The following CACNG2 variants were observed in gnomAD, a reference collection of about 807,000 sequenced individuals.
CACNG2 encodes voltage-dependent calcium channel gamma-2 subunit.
Under a neutral mutation model 25.9 loss-of-function variants are expected in CACNG2, and 3 were observed. The observed-to-expected ratio is 0.12, with a 90% CI of 0.05 to 0.30. The LOEUF is 0.30. Ranked by LOEUF, CACNG2 falls within the 10% of genes least tolerant of loss-of-function variation. CACNG2 has a pLI of 1.00. For synonymous variants in CACNG2, 167 were observed against 173.3 expected (o/e 0.96, Z 0.29); for missense variants, 341 against 432.5 (o/e 0.79, Z 1.88).
At chr22:36,569,771 C>T (rs949241791) in intron 2 of CACNG2, among the ~76,000 whole-genome samples, 3 of 152,166 alleles carry the variant, frequency 2.0e-5, no homozygotes, top group East Asian at 3.9e-4. Context: ...AACTCATGAC[C>T]TCAGGTGATC....
rs1288188854 is a variant in CACNG2, at chr22:36,623,021, T to A, written c.212-35473A>T. On this transcript the variant is annotated intron_variant, in intron 1 of 3. Transcript: ENST00000300105. ...AGTCTTCAAAACATGGGTTTTTTTT[T>A]TTTTTTTTTTTTTTTGAGACAGGAT... Among the ~76,000 whole-genome samples the A allele has an allele frequency of 7.9e-5, 11 of 138,914 alleles. 2 individuals are homozygous for A. Among genetic ancestry groups the A allele is most frequent in the Admixed American group, 2.8e-4 (4 of 14,266 alleles). The allele number at this position is 138,914 out of a possible 152,430, so 91.1% of individuals were successfully genotyped here.
intron 1 of CACNG2, among the ~76,000 whole-genome samples, chr22:36,655,766 C>CTT (rs1251353515): frequency 0.025 from 3,284 of 129,470 alleles, 146 homozygotes; most frequent in African/African-American, 0.096. Context: ...TTCTTTCTTT[C>CTT]TCTTTCTTTC....
chr22:36,630,447 G>C (rs76764226), intron 1 of CACNG2, among the ~76,000 whole-genome samples: 3,781 of 152,220 alleles, frequency 0.025, 152 homozygotes, highest in African/African-American at 0.085. Context: ...ATTTATCTAG[G>C]AGGGGAAGAG....
chr22:36,611,115 G>A (rs779542718), intron 1 of CACNG2, among the ~76,000 whole-genome samples: 1 of 152,198 alleles, frequency 6.6e-6, no homozygotes, highest in Non-Finnish European at 1.5e-5. Flanking sequence ...GGCTTGGCAA[G>A]CCCTTCAATT....
chr22:36,647,221 A>C (rs1288928525), intron 1 of CACNG2, among the ~76,000 whole-genome samples: 1 of 152,102 alleles, frequency 6.6e-6, no homozygotes, highest in Admixed American at 6.5e-5. Flanking sequence ...GGACACCTGC[A>C]GTGACCTCCT....
chr22:36,695,151 G>T (rs2284014), intron 1 of CACNG2, among the ~76,000 whole-genome samples: 41 of 151,948 alleles, frequency 2.7e-4, no homozygotes, highest in African/African-American at 9.4e-4. Context: ...TCGAGTTCAA[G>T]GCTGCAGTGA....
intron 2 of CACNG2, among the ~76,000 whole-genome samples, chr22:36,572,219 C>T (rs1045587986): frequency 6.6e-6 from 1 of 152,176 alleles, no homozygotes; most frequent in Non-Finnish European, 1.5e-5. Flanking sequence ...CGGTGTAAAC[C>T]TCATACCAGC....
In CACNG2 at chr22:36,617,705, A is replaced by G. The variant is rs1936044098; in HGVS notation, c.212-30157T>C. Among the ~76,000 whole-genome samples, 3 of 150,062 alleles carry G rather than the reference A, an allele frequency of 2.0e-5. No individual in the cohort carries two copies. In the South Asian group the frequency reaches 6.5e-4, roughly 32 times the overall value. On this transcript the variant is annotated intron_variant, in intron 1 of 3. Coordinates refer to ENST00000300105, the MANE Select transcript of CACNG2 (RefSeq NM_006078.5). ...AAGGCAATGTGGTGTGATGGGATGG[A>G]TATGGGCTTTAGAATCAGACAGCCC...
At chr22:36,577,651 A>G (rs1010076914) in intron 2 of CACNG2, among the ~76,000 whole-genome samples, 200 of 59,646 alleles carry the variant, frequency 3.4e-3, no homozygotes, top group African/African-American at 0.012. Context: ...TCCGTCTTGG[A>G]AAAAAAAAAA....
intron 1 of CACNG2, among the ~76,000 whole-genome samples, chr22:36,699,160 T>A (rs1937377918): frequency 6.6e-6 from 1 of 151,764 alleles, no homozygotes; most frequent in Admixed American, 6.6e-5. Context: ...CCTACCTGTA[T>A]CCACATACAC....
At chr22:36,636,277 T>C (rs1311949982) in intron 1 of CACNG2, among the ~76,000 whole-genome samples, 4 of 152,166 alleles carry the variant, frequency 2.6e-5, no homozygotes. Flanking sequence ...CTGCTCAGAA[T>C]GCACTTTACA....
chr22:36,638,765 G>A (rs2145964603), intron 1 of CACNG2, among the ~76,000 whole-genome samples: 1 of 152,218 alleles, frequency 6.6e-6, no homozygotes, highest in East Asian at 1.9e-4. Context: ...GGACAGTTCT[G>A]CTTCCCACGA....
chr22:36,617,229 A>T (rs1443494359), intron 1 of CACNG2, among the ~76,000 whole-genome samples: 4 of 152,138 alleles, frequency 2.6e-5, no homozygotes, highest in African/African-American at 9.7e-5. Flanking sequence ...TTTATGTTTC[A>T]TGTTGATCTA....
chr22:36,581,138 C>G (rs1027270578), intron 2 of CACNG2, among the ~76,000 whole-genome samples: 1 of 152,170 alleles, frequency 6.6e-6, no homozygotes, highest in African/African-American at 2.4e-5. Flanking sequence ...CAGACACATT[C>G]GATGGGCCCA....
intron 1 of CACNG2, among the ~76,000 whole-genome samples, chr22:36,680,173 A>G (rs974178301): frequency 4.0e-5 from 6 of 151,622 alleles, no homozygotes; most frequent in Non-Finnish European, 7.4e-5. Flanking sequence ...CACCGTCACC[A>G]CCATTACCAC....
At chr22:36,672,062 G>A (rs1323162796) in intron 1 of CACNG2, among the ~76,000 whole-genome samples, 45 of 152,296 alleles carry the variant, frequency 3.0e-4, no homozygotes, top group Admixed American at 2.6e-3. Context: ...TCAGACCCAC[G>A]GCAAGAGGTG....
At chr22:36,578,068 G>A (rs1440682237) in intron 2 of CACNG2, among the ~76,000 whole-genome samples, 2 of 151,950 alleles carry the variant, frequency 1.3e-5, no homozygotes, top group Non-Finnish European at 2.9e-5. Context: ...GTGATCCTAA[G>A]CTAGGATGAT....
At chr22:36,641,484 C>T (rs1936441846) in intron 1 of CACNG2, among the ~76,000 whole-genome samples, 1 of 152,150 alleles carries the variant, frequency 6.6e-6, no homozygotes, top group Non-Finnish European at 1.5e-5. Context: ...TCATTTAAAA[C>T]ACAAATACCC....
rs536303914 is a variant in CACNG2, at chr22:36,562,639, C to G, written c.*1712G>C. 1 of 152,100 alleles carries G rather than the reference C, an allele frequency of 6.6e-6. No individual in the cohort carries two copies. Among genetic ancestry groups the G allele is most frequent in the Non-Finnish European group, 1.5e-5 (1 of 68,082 alleles). 9.4% of individuals were successfully genotyped at this position (152,100 alleles called of 1,614,324 possible). On this transcript the variant is annotated 3_prime_UTR_variant, in exon 4 of 4. Coordinates refer to ENST00000300105, the MANE Select transcript of CACNG2 (RefSeq NM_006078.5). Reference sequence around the variant, plus strand: ...ATTTCCTTTGAGCCACGCCCCTGGCCGTGTATGGGATGGAAGGGTTGAGAC... The same window carrying G: ...ATTTCCTTTGAGCCACGCCCCTGGCGGTGTATGGGATGGAAGGGTTGAGAC...
Sources: gnomAD v4.1 joint callset for allele counts (sites outside exome capture counted in the v4.1 genomes callset) on GRCh38, gnomAD v4.1.1 for gene constraint, MANE v1.5 for transcripts, NCBI Gene and HGNC (gene_info 2026-07-23, HGNC 2026-07-21) for gene names.